Variants in IGSF10 observed in about 807,000 individuals in gnomAD.
The protein encoded by IGSF10 is immunoglobulin superfamily member 10, also known as calvaria mechanical force protein 608.
In IGSF10, 126 loss-of-function variants were observed where a neutral mutation model predicts 128.2. The observed-to-expected ratio is 0.98, with a 90% CI of 0.85 to 1.14. IGSF10 has a LOEUF of 1.14. IGSF10 is among the 50% of genes most tolerant of loss of function. IGSF10 has a pLI of 0.00. For missense variants in IGSF10, 3,295 were observed against 3,149.8 expected (o/e 1.05, Z -1.10); for synonymous variants, 1,185 against 1,146.2 (o/e 1.03, Z -0.68).
At chr3:151,506,823 G>C in the IGSF10 span, among the ~76,000 whole-genome samples, 2 of 152,096 alleles carry the variant, frequency 1.3e-5, no homozygotes, top group Admixed American at 6.6e-5. Context: ...AGACCAAATG[G>C]GGAGAAGAAA....
At chr3:151,577,204 A>T in the IGSF10 span, among the ~76,000 whole-genome samples, 5 of 152,070 alleles carry the variant, frequency 3.3e-5, no homozygotes, top group Admixed American at 1.3e-4. Flanking sequence ...GAAGATTTTT[A>T]TTTCTGGTAG....
At chr3:151,601,488 G>A in the IGSF10 span, among the ~76,000 whole-genome samples, 1 of 152,124 alleles carries the variant, frequency 6.6e-6, no homozygotes, top group Non-Finnish European at 1.5e-5. Context: ...TACTGCCTTG[G>A]AAAAACACAC....
the IGSF10 span, among the ~76,000 whole-genome samples, chr3:151,618,323 G>A: frequency 2.0e-5 from 3 of 152,164 alleles, no homozygotes; most frequent in African/African-American, 7.2e-5. Flanking sequence ...CCCAGTCTAT[G>A]TTATATTTGT....
chr3:151,593,230 A>T, the IGSF10 span, among the ~76,000 whole-genome samples: 1 of 152,178 alleles, frequency 6.6e-6, no homozygotes, highest in Non-Finnish European at 1.5e-5. Flanking sequence ...CTCCCACCTC[A>T]GCCTTCTGAG....
downstream of IGSF10, chr3:151,434,563 T>C (rs1719886355): frequency 6.6e-6 from 1 of 152,256 alleles, no homozygotes; most frequent in South Asian, 2.1e-4. Context: ...TGGTTTTGTA[T>C]ATCAGATTTT....
chr3:151,565,721 A>C, the IGSF10 span, among the ~76,000 whole-genome samples: 1 of 152,116 alleles, frequency 6.6e-6, no homozygotes, highest in Non-Finnish European at 1.5e-5. Flanking sequence ...TACTGAGCTA[A>C]TTCTGTTGCT....
intron 5 of IGSF10, among the ~76,000 whole-genome samples, chr3:151,453,023 G>A (rs1310061133): frequency 6.6e-6 from 1 of 152,058 alleles, no homozygotes; most frequent in Non-Finnish European, 1.5e-5. Flanking sequence ...GATGGGCAGG[G>A]CTGAGGGTTG....
the IGSF10 span, among the ~76,000 whole-genome samples, chr3:151,600,072 A>G: frequency 6.6e-6 from 1 of 152,224 alleles, no homozygotes; most frequent in Non-Finnish European, 1.5e-5. Flanking sequence ...AGTATCATGA[A>G]GTTGTAACTT....
At chr3:151,541,296 C>T in the IGSF10 span, among the ~76,000 whole-genome samples, 89,186 of 151,910 alleles carry the variant, frequency 0.59, 27,083 homozygotes, top group African/African-American at 0.73. Flanking sequence ...AGAATGACTT[C>T]AAGACAGTAT....
chr3:151,445,169 G>A lies in IGSF10; in HGVS notation c.4812C>T (p.Thr1604=). 2 of 1,614,254 alleles carry A rather than the reference G, an allele frequency of 1.2e-6. No homozygotes were observed. Among genetic ancestry groups the A allele is most frequent in the Non-Finnish European group, 1.7e-6 (2 of 1,180,040 alleles). The stretch of plus-strand genomic sequence containing the variant: ...GTCCATCCCAATCTGAAACAAGAGT[G>A]GTGGCCTCGGACAGGCCTGTAGTAG... ...MLATTGLSEA[T]TLVSDWDGQK... Residue 1604 remains threonine, a synonymous_variant, in exon 6 of 8, where the codon ACC becomes ACT. Transcript: ENST00000282466.
the IGSF10 span, among the ~76,000 whole-genome samples, chr3:151,605,084 C>G: frequency 6.6e-6 from 1 of 152,140 alleles, no homozygotes; most frequent in Non-Finnish European, 1.5e-5. Flanking sequence ...AGCATTCAGC[C>G]TACGCTTAGG....
chr3:151,512,292 C>A, the IGSF10 span, among the ~76,000 whole-genome samples: 1 of 152,020 alleles, frequency 6.6e-6, no homozygotes, highest in Admixed American at 6.6e-5. Flanking sequence ...CAAACTAGAC[C>A]TCAGGATTAA....
chr3:151,557,163 T>C, the IGSF10 span, among the ~76,000 whole-genome samples: 1 of 152,150 alleles, frequency 6.6e-6, no homozygotes, highest in African/African-American at 2.4e-5. Flanking sequence ...ACATATTTAT[T>C]ATGTGCACTT....
At chr3:151,486,598 G>T in the IGSF10 span, among the ~76,000 whole-genome samples, 1 of 152,080 alleles carries the variant, frequency 6.6e-6, no homozygotes, top group Non-Finnish European at 1.5e-5. Flanking sequence ...CAAAAGAACG[G>T]ATATCATAAC....
chr3:151,576,269 C>T, the IGSF10 span, among the ~76,000 whole-genome samples: 56 of 151,922 alleles, frequency 3.7e-4, no homozygotes, highest in South Asian at 6.2e-4. Context: ...ACAAAATATC[C>T]GTTTTTTGGT....
the IGSF10 span, among the ~76,000 whole-genome samples, chr3:151,505,332 A>C: frequency 2.6e-5 from 4 of 152,174 alleles, no homozygotes; most frequent in Non-Finnish European, 5.9e-5. Context: ...TAAAACCATC[A>C]GATCTCGTGA....
downstream of IGSF10, chr3:151,434,971 C>CTGTT (rs1719937953): frequency 6.6e-6 from 1 of 150,680 alleles, no homozygotes; most frequent in Non-Finnish European, 1.5e-5. Context: ...TTGAGGAATG[C>CTGTT]TGTTTTACCC....
chr3:151,518,695 T>C, the IGSF10 span, among the ~76,000 whole-genome samples: 12 of 151,962 alleles, frequency 7.9e-5, no homozygotes, highest in African/African-American at 1.7e-4. Flanking sequence ...AAATGTTGTA[T>C]TGAGTTTTGG....
chr3:151,436,818 A>ACTT lies in IGSF10; in HGVS notation c.7740_7742dup (p.Gly2580_Ser2581insArg). On this transcript the variant is annotated inframe_insertion, in exon 8 of 8. Coordinates refer to ENST00000282466, the MANE Select transcript of IGSF10 (RefSeq NM_178822.5). ...GGGTACCTTGTAAGTGAAGCTGCTC[A>ACTT]CTTCCATGTGTCCTCTCTTTACTTG... is the stretch of plus-strand genomic sequence containing the variant. The ACTT allele has an allele frequency of 6.2e-7, 1 of 1,614,154 alleles. No individual in the cohort carries two copies.
Sources: allele counts gnomAD v4.1 joint callset (sites outside exome capture counted in the v4.1 genomes callset), GRCh38; gene constraint gnomAD v4.1.1; transcripts MANE v1.5; gene names NCBI Gene and HGNC (gene_info 2026-07-23, HGNC 2026-07-21).